UBA1: variants seen among roughly 807,000 people sequenced by gnomAD.
UBA1 encodes ubiquitin-like modifier-activating enzyme 1.
A neutral mutation model predicts 84.7 loss-of-function variants in UBA1; 4 were observed. That is an observed-to-expected ratio of 0.05 (90% CI 0.02 to 0.11). UBA1 has a LOEUF of 0.11. Ranked by LOEUF, UBA1 falls within the 10% of genes least tolerant of loss-of-function variation. UBA1 has a pLI of 1.00. For missense variants in UBA1, 513 were observed against 902.8 expected (o/e 0.57, Z 5.53); for synonymous variants, 364 against 362.6 (o/e 1.00, Z -0.04).
At chrX:47,195,069 T>G (rs1388135404) in intron 1 of UBA1, among the ~76,000 whole-genome samples, 6 of 110,918 alleles carry the variant, frequency 5.4e-5, no homozygotes, top group Non-Finnish European at 1.9e-5. Flanking sequence ...CAACCTGGGT[T>G]CTAGCTGCTT....
chrX:47,203,429 G>A, intron 13 of UBA1, 112 bp from the exon 14 acceptor site: 3 of 971,889 alleles, frequency 3.1e-6, no homozygotes, highest in Non-Finnish European at 4.4e-6. Flanking sequence ...ACCTGAAGAT[G>A]TGGTGTTAGC....
chrX:47,207,873 T>C (rs1195166809), intron 16 of UBA1, among the ~76,000 whole-genome samples: 6 of 112,165 alleles, frequency 5.3e-5, no homozygotes, highest in African/African-American at 1.6e-4. Context: ...TGTGAACCAC[T>C]TGGCATTTAC....
rs187469319 is a variant in UBA1 at position 47,203,080 on chromosome X, T to C, written c.1338+33T>C. ...GGTGGGACCTGTGGGGAGGGCATCA[T>C]TGGGGACATTTCTGGGGAGGCCTCT... On this transcript the variant is annotated intron_variant, in intron 12 of 25. Transcript: ENST00000335972. 248 of 1,203,909 alleles carry C rather than the reference T, an allele frequency of 2.1e-4. No homozygotes were observed. In the East Asian group the frequency reaches 5.8e-3, roughly 28 times the overall value.
intron 1 of UBA1, among the ~76,000 whole-genome samples, chrX:47,195,773 T>C (rs1453468488): frequency 9.0e-6 from 1 of 111,101 alleles, no homozygotes; most frequent in Non-Finnish European, 1.9e-5. Flanking sequence ...TGTCAGAGAT[T>C]GACACAGGGC....
At position 47,202,440 on chromosome X, in the gene UBA1, T is replaced by C. The variant is rs1420679391; in HGVS notation, c.992T>C (p.Ile331Thr). ...AKFSRPAQLH[I>T]GFQALHQFCA... is the part of the protein sequence containing the mutation. ...TTTTCTCGCCCTGCCCAGCTGCACA[T>C]TGGCTTCCAGGCCCTGCACCAGTTC... Residue 331 changes from isoleucine to threonine, a missense_variant, in exon 10 of 26, where the codon ATT becomes ACT. Ile to Thr is a moderately conservative substitution (Grantham distance 89). This residue lies in a region of UBA1 where 227 missense variants were observed against 339.1 expected (regional missense o/e 0.67). Transcript: ENST00000335972. The C allele has an allele frequency of 8.3e-7, 1 of 1,208,838 alleles. No individual in the cohort carries two copies. The highest frequency in any genetic ancestry group is 1.7e-5 in the African/African-American group (1 of 57,860).
At position 47,209,510 on chromosome X, in the gene UBA1, G is replaced by A. The variant is rs782095576; in HGVS notation, c.1939-113G>A. 9.9e-6 allele frequency: 7 copies of A among 705,655 alleles called. No homozygotes were observed. In the African/African-American group the frequency reaches 1.5e-4, roughly 15 times the overall value. The allele number at this position is 705,655 out of a possible 1,213,427, so 58.2% of individuals were successfully genotyped here. A position where few individuals can be genotyped will look rare whatever the true frequency, so the allele number is the denominator to read the frequency against. Reference sequence around the variant, plus strand: ...AGGCTAGAGGGCTTCCCCACTTCCAGAGTAGCTGTGCGCCTTGTACTTGCT... The same window carrying A: ...AGGCTAGAGGGCTTCCCCACTTCCAAAGTAGCTGTGCGCCTTGTACTTGCT... On this transcript the variant is annotated intron_variant, in intron 16 of 25. Coordinates refer to ENST00000335972, the MANE Select transcript of UBA1 (RefSeq NM_003334.4).
rs1318594436 is a variant in UBA1 at position 47,206,430 on chromosome X, G to C, written c.1924G>C (p.Glu642Gln). The change falls in exon 16 of 26, where the codon GAG (glutamate) becomes CAG (glutamine). Residue 642 changes from glutamate (E) to glutamine (Q), a missense_variant. Physicochemically the swap from Glu to Gln is conservative, Grantham distance 29 (BLOSUM62 2). This residue lies in a region of UBA1 where 40 missense variants were observed against 138.3 expected (regional missense o/e 0.29). Coordinates refer to ENST00000335972, the MANE Select transcript of UBA1 (RefSeq NM_003334.4). ...CTLKNFPNAI[E>Q]HTLQWARDEF... ...CCTGAAGAACTTCCCTAATGCCATC[G>C]AGCACACCCTGCAGGTGATAAGCTG... 1 of 1,210,574 alleles carries C rather than the reference G, an allele frequency of 8.3e-7. No homozygotes were observed. Among genetic ancestry groups the C allele is most frequent in the Non-Finnish European group, 1.1e-6 (1 of 895,221 alleles).
At position 47,209,742 on chromosome X, in the gene UBA1, C is replaced by T. The variant is rs879960684; in HGVS notation, c.2003+55C>T. 15 of 1,156,297 alleles carry T rather than the reference C, an allele frequency of 1.3e-5. No individual in the cohort carries two copies. In the South Asian group the frequency reaches 1.8e-4, roughly 14 times the overall value. ...TCCCTGTCCACCAGCCAAGGCATCC[C>T]GGCTGCTTTCCTCATGACAGTAACA... On this transcript the variant is annotated intron_variant, in intron 17 of 25. Coordinates refer to ENST00000335972, the MANE Select transcript of UBA1 (RefSeq NM_003334.4).
At chrX:47,205,032 A>C (rs1556790156) in intron 14 of UBA1, 1 of 123,965 alleles carries the variant, frequency 8.1e-6, no homozygotes, top group African/African-American at 3.2e-5. Flanking sequence ...CTAAAACCAG[A>C]CAAGGGAAGT....
In UBA1 at chrX:47,212,864, G is replaced by GTGA; in HGVS notation, c.2646+2_2646+4dup. 8.3e-7 allele frequency: 1 copy of GTGA among 1,211,143 alleles called. No individual in the cohort carries two copies. On this transcript the variant is annotated splice_donor_variant, in intron 22 of 25. Coordinates refer to ENST00000335972, the MANE Select transcript of UBA1 (RefSeq NM_003334.4). LOFTEE classifies it high-confidence loss of function. ...CATTCCTTCTGCAGACCGGCACAAG[G>GTGA]TGAGGGGAATCTAAATCTGATGTTC...
rs1467681554 is a variant in UBA1, at chrX:47,213,198, G to A, written c.2838+17G>A. 21 of 1,204,951 alleles carry A rather than the reference G, an allele frequency of 1.7e-5. No individual in the cohort carries two copies. Among genetic ancestry groups the A allele is most frequent in the Middle Eastern group, 2.5e-4 (1 of 3,993 alleles). ...CGTCACCAGGTGGGGGCCTGCATCC[G>A]AAGCAGGGTTTGGGTGGGGTGTATC... is the stretch of plus-strand genomic sequence containing the variant. On this transcript the variant is annotated intron_variant, in intron 23 of 25. Coordinates refer to ENST00000335972, the MANE Select transcript of UBA1 (RefSeq NM_003334.4).
chrX:47,207,546 G>C (rs1328004464), intron 16 of UBA1, among the ~76,000 whole-genome samples: 1 of 111,843 alleles, frequency 8.9e-6, no homozygotes, highest in African/African-American at 3.3e-5. Context: ...ACACACAGGT[G>C]ACCACCACCT....
intron 11 of UBA1, 23 bp from the exon 12 acceptor site, chrX:47,202,920 C>T (rs1569210523): frequency 8.3e-7 from 1 of 1,206,048 alleles, no homozygotes; most frequent in Admixed American, 2.2e-5. Flanking sequence ...CTGACCACCC[C>T]CTCTCTCCCT....
At position 47,202,449 on chromosome X, in the gene UBA1, A is replaced by C. The variant is rs782442496; in HGVS notation, c.1001A>C (p.Gln334Pro). The change falls in exon 10 of 26, where the codon CAG (glutamine) becomes CCG (proline). Residue 334 changes from glutamine to proline, a missense_variant. Coordinates refer to ENST00000335972, the MANE Select transcript of UBA1 (RefSeq NM_003334.4). ...SRPAQLHIGF[Q>P]ALHQFCAQHG... ...CCTGCCCAGCTGCACATTGGCTTCC[A>C]GGCCCTGCACCAGTTCTGTGCTCAG... The C allele has an allele frequency of 2.0e-5, 24 of 1,206,772 alleles. No individual in the cohort carries two copies. The East Asian group carries it at 7.1e-4, about 36-fold the overall frequency.
rs1556794027 is a variant in UBA1, at chrX:47,213,080, G to T, written c.2737G>T (p.Val913Leu). ...TGTGTGTCTGGAGCTGTACAAGGTTGTGCAGGGGCACCGACAGCTTGACTC... is the reference window on the plus strand; with the variant it reads ...TGTGTGTCTGGAGCTGTACAAGGTTTTGCAGGGGCACCGACAGCTTGACTC... ...GLVCLELYKV[V>L]QGHRQLDSYK... Residue 913 changes from valine to leucine, a missense_variant, in exon 23 of 26, where the codon GTG (valine) becomes TTG (leucine). Physicochemically the swap from Val to Leu is conservative, Grantham distance 32. Transcript: ENST00000335972. 8.2e-7 allele frequency: 1 copy of T among 1,212,144 alleles called. No homozygotes were observed. Among genetic ancestry groups the T allele is most frequent in the Non-Finnish European group, 1.1e-6 (1 of 895,592 alleles).
At position 47,211,684 on chromosome X, in the gene UBA1, C is replaced by T. The variant is rs1457186062; in HGVS notation, c.2464+459C>T. ...GTTTACTGACACCCCCACCCCACCC[C>T]ATCTGCATATTTTTTCACCACCCCT... is the stretch of plus-strand genomic sequence containing the variant. On this transcript the variant is annotated intron_variant, in intron 20 of 25. Transcript: ENST00000335972. 3.7e-5 allele frequency among the ~76,000 whole-genome samples: 4 copies of T among 108,229 alleles called. No homozygotes were observed. In the Admixed American group the frequency reaches 4.0e-4, roughly 11 times the overall value. 94.0% of individuals were successfully genotyped at this position (108,229 alleles called of 115,157 possible).
In UBA1 at chrX:47,211,128, ATT is replaced by A; in HGVS notation, c.2368_2369del (p.Phe790ProfsTer21). 8.3e-7 allele frequency: 1 copy of A among 1,211,593 alleles called. No homozygotes were observed. Among genetic ancestry groups the A allele is most frequent in the Non-Finnish European group, 1.1e-6 (1 of 895,471 alleles). ...CTCAGGACCGAGCTGCTGTGGCCAC[ATT>A]CCTGCAGTCTGTGCAGGTCCCCGAA... ...GSQDRAAVATFLQSVQVPEFT... is the reference protein window; with the variant it reads ...GSQDRAAVATXLQSVQVPEFT... On this transcript the variant is annotated frameshift_variant, in exon 20 of 26. Coordinates refer to ENST00000335972, the MANE Select transcript of UBA1 (RefSeq NM_003334.4). LOFTEE classifies it high-confidence loss of function.
At position 47,212,234 on chromosome X, in the gene UBA1, T is replaced by A. The variant is rs73486231; in HGVS notation, c.2465-190T>A. Among the ~76,000 whole-genome samples, 1,946 of 110,877 alleles carry A rather than the reference T, an allele frequency of 0.018. 44 individuals carry two copies. The highest frequency in any genetic ancestry group is 0.061 in the African/African-American group (1,850 of 30,385). ...CATTCTTGATAGCCTCAGCTCTTTC[T>A]CTGTGTTTTTCAGGTTTGTATTCTG... On this transcript the variant is annotated intron_variant, in intron 20 of 25. Coordinates refer to ENST00000335972, the MANE Select transcript of UBA1 (RefSeq NM_003334.4).
intron 16 of UBA1, among the ~76,000 whole-genome samples, chrX:47,207,461 C>T (rs1357499597): frequency 1.1e-4 from 12 of 112,143 alleles, no homozygotes; most frequent in African/African-American, 3.9e-4. Flanking sequence ...TGTTGGGCAG[C>T]ATTCAAAGTC....
Sources: gnomAD v4.1 joint callset for allele counts (sites outside exome capture counted in the v4.1 genomes callset) on GRCh38, gnomAD v4.1.1 for gene constraint, gnomAD v4.1.1 regional missense constraint, MANE v1.5 for transcripts, NCBI Gene and HGNC (gene_info 2026-07-23, HGNC 2026-07-21) for gene names.